Variants in NLGN1 observed in about 807,000 individuals in gnomAD.
NLGN1 encodes neuroligin 1.
In NLGN1, 12 loss-of-function variants were observed where a neutral mutation model predicts 65.5. That is an observed-to-expected ratio of 0.18 (90% CI 0.12 to 0.30). The LOEUF (loss-of-function observed/expected upper bound fraction) is 0.30, where lower values mean the gene tolerates loss of function less well. NLGN1 is among the 10% of genes least tolerant of loss of function. The pLI, the probability that NLGN1 is intolerant of heterozygous loss-of-function variation, is 1.00. For synonymous variants in NLGN1, 350 were observed against 359.5 expected, an observed-to-expected ratio of 0.97 and a Z score of 0.30; for missense variants, 750 against 1,007.1, an observed-to-expected ratio of 0.74 and a Z score of 3.46.
chr3:173,487,796 C>G (rs1401501507), intron 2 of NLGN1, among the ~76,000 whole-genome samples: 1 of 151,952 alleles, frequency 6.6e-6, no homozygotes, highest in Non-Finnish European at 1.5e-5. Context: ...TGCCTAATTT[C>G]TCTTTCTTCA....
chr3:173,733,600 A>G lies in NLGN1; in HGVS notation c.494-74080A>G, dbSNP rs564285757. ...AAGTGTACCACTTTTTCTCCTGGGT[A>G]AGATTCAAGGAGGTTCCTAACTTCA... On this transcript the variant is annotated intron_variant, in intron 3 of 6. Transcript: ENST00000457714. Among the ~76,000 whole-genome samples, 36 of 152,212 alleles carry G rather than the reference A, an allele frequency of 2.4e-4. No individual in the cohort carries two copies. In the South Asian group the frequency reaches 7.3e-3, roughly 31 times the overall value.
At chr3:173,534,051 T>C (rs1737054070) in intron 2 of NLGN1, among the ~76,000 whole-genome samples, 1 of 152,194 alleles carries the variant, frequency 6.6e-6, no homozygotes, top group South Asian at 2.1e-4. Flanking sequence ...CACCATTTGC[T>C]AAGTGACTTT....
intron 3 of NLGN1, among the ~76,000 whole-genome samples, chr3:173,748,204 A>G (rs1322733917): frequency 6.6e-6 from 1 of 152,114 alleles, no homozygotes; most frequent in Non-Finnish European, 1.5e-5. Flanking sequence ...AAGACTCAAG[A>G]AAGATTTTAT....
intron 3 of NLGN1, among the ~76,000 whole-genome samples, chr3:173,804,109 A>G (rs1397390606): frequency 2.0e-5 from 3 of 152,200 alleles, no homozygotes; most frequent in Non-Finnish European, 4.4e-5. Flanking sequence ...GGTCTATAAG[A>G]AAGATAAAAT....
Position 174,278,693 on chromosome 3 carries a change from A to G in NLGN1, c.860-168A>G, listed in dbSNP as rs140215763. ...CTTAGATCCACCTCTCTAATCCATTATACCCTGCGGTTGGCTTTGTGTACT... is the reference window on the plus strand; with the variant it reads ...CTTAGATCCACCTCTCTAATCCATTGTACCCTGCGGTTGGCTTTGTGTACT... On this transcript the variant is annotated intron_variant, in intron 5 of 6. Transcript: ENST00000457714. Among the ~76,000 whole-genome samples the G allele has an allele frequency of 2.0e-3, 302 of 152,050 alleles. 1 individual carries two copies. Among genetic ancestry groups the G allele is most frequent in the African/African-American group, 6.9e-3 (286 of 41,538 alleles).
At chr3:173,800,625 G>T (rs572438839) in intron 3 of NLGN1, among the ~76,000 whole-genome samples, 1 of 150,598 alleles carries the variant, frequency 6.6e-6, no homozygotes, top group East Asian at 1.9e-4. Flanking sequence ...CTTTTGATAT[G>T]TTTCATCCCA....
At chr3:174,017,550 C>T (rs2085538455) in intron 4 of NLGN1, among the ~76,000 whole-genome samples, 1 of 152,048 alleles carries the variant, frequency 6.6e-6, no homozygotes, top group South Asian at 2.1e-4. Flanking sequence ...AACATTAATT[C>T]ACGTAGGTTC....
Position 173,477,803 on chromosome 3 carries a change from G to A in NLGN1, c.-321+42725G>A, listed in dbSNP as rs902466247. Among the ~76,000 whole-genome samples the A allele has an allele frequency of 2.0e-4, 30 of 152,106 alleles. 1 individual carries two copies. The highest frequency in any genetic ancestry group is 7.0e-4 in the African/African-American group (29 of 41,428). ...TGAGAAGTGTCTGTTCATGTCCTTT[G>A]CCCACTTTTGAATGGGGTTGTTTTT... On this transcript the variant is annotated intron_variant, in intron 2 of 6. Transcript: ENST00000457714.
At chr3:174,218,901 G>A (rs774414201) in intron 4 of NLGN1, among the ~76,000 whole-genome samples, 7 of 151,904 alleles carry the variant, frequency 4.6e-5, no homozygotes, top group South Asian at 2.1e-4. Flanking sequence ...GATTGCCTCC[G>A]GGCTGTTATT....
chr3:173,615,254 G>A (rs932738139), intron 3 of NLGN1, among the ~76,000 whole-genome samples: 6 of 152,112 alleles, frequency 3.9e-5, no homozygotes, highest in East Asian at 3.9e-4. Flanking sequence ...TGCTTTGCTG[G>A]TGTTGTGTCC....
chr3:174,050,442 C>T (rs1734566571), intron 4 of NLGN1, among the ~76,000 whole-genome samples: 1 of 151,754 alleles, frequency 6.6e-6, no homozygotes, highest in Non-Finnish European at 1.5e-5. Flanking sequence ...ATCAGATTGA[C>T]CTAGCATTTA....
chr3:173,834,712 T>C (rs879288444), intron 4 of NLGN1, among the ~76,000 whole-genome samples: 1 of 152,188 alleles, frequency 6.6e-6, no homozygotes, highest in African/African-American at 2.4e-5. Context: ...TCAGAAAAGT[T>C]AAGCAACTTA....
intron 3 of NLGN1, among the ~76,000 whole-genome samples, chr3:173,663,253 A>G (rs1452745282): frequency 6.6e-6 from 1 of 152,016 alleles, no homozygotes; most frequent in East Asian, 1.9e-4. Flanking sequence ...TTAAAATGGA[A>G]CATTAAGTGC....
intron 2 of NLGN1, among the ~76,000 whole-genome samples, chr3:173,508,940 A>G (rs1416851295): frequency 6.6e-6 from 1 of 152,110 alleles, no homozygotes; most frequent in Non-Finnish European, 1.5e-5. Flanking sequence ...GCCCATTTGT[A>G]TCAGGTGTCT....
chr3:173,793,719 A>T (rs963874562), intron 3 of NLGN1, among the ~76,000 whole-genome samples: 2 of 152,104 alleles, frequency 1.3e-5, no homozygotes, highest in Non-Finnish European at 2.9e-5. Context: ...CTCCTTTTTC[A>T]TCATCTAATT....
rs544568248 is a variant in NLGN1 at position 173,571,402 on chromosome 3, A to G, written c.-320-32877A>G. Among the ~76,000 whole-genome samples the G allele has an allele frequency of 2.6e-5, 4 of 152,326 alleles. No individual in the cohort carries two copies. The East Asian group carries it at 5.8e-4, about 22-fold the overall frequency. ...CTGTCTCTAGGTGTGAGTATCTAAT[A>G]TATAAAAGATGCCCTTGGCATGATG... On this transcript the variant is annotated intron_variant, in intron 2 of 6. Coordinates refer to ENST00000457714, the Ensembl canonical transcript of NLGN1.
chr3:173,956,072 A>G (rs1394487048), intron 4 of NLGN1, among the ~76,000 whole-genome samples: 1 of 152,160 alleles, frequency 6.6e-6, no homozygotes, highest in Non-Finnish European at 1.5e-5. Flanking sequence ...CGTAGAGCTT[A>G]TATAGATCTT....
intron 4 of NLGN1, among the ~76,000 whole-genome samples, chr3:173,814,678 C>T (rs1289045098): frequency 6.6e-6 from 1 of 152,102 alleles, no homozygotes; most frequent in Non-Finnish European, 1.5e-5. Flanking sequence ...CCATTTATTC[C>T]CTTATTCTCT....
chr3:173,885,389 G>A (rs745824636), intron 4 of NLGN1, among the ~76,000 whole-genome samples: 1 of 151,932 alleles, frequency 6.6e-6, no homozygotes, highest in Non-Finnish European at 1.5e-5. Flanking sequence ...ACAGTAGGTG[G>A]TTGAAAAGTG....
Sources: allele counts gnomAD v4.1 joint callset (sites outside exome capture counted in the v4.1 genomes callset), GRCh38; gene constraint gnomAD v4.1.1; transcripts MANE v1.5; gene names NCBI Gene and HGNC (gene_info 2026-07-23, HGNC 2026-07-21).